Variants in MGMT observed in about 807,000 individuals in gnomAD.
MGMT encodes methylated-DNA--protein-cysteine methyltransferase.
MGMT carries 14 observed loss-of-function variants against 15.9 expected under a neutral mutation model. The ratio of observed to expected loss-of-function variants is 0.88; its 90% CI spans 0.58 to 1.37. The LOEUF (loss-of-function observed/expected upper bound fraction) is 1.37. Among genes scored for constraint, MGMT ranks in the 40% most tolerant of loss-of-function variants. The pLI is 0.00. For synonymous variants in MGMT, 130 were observed against 118.2 expected (o/e 1.10, Z -0.65); for missense variants, 282 against 268.1 (o/e 1.05, Z -0.36).
At chr10:129,736,735 G>C (rs1422404391) in intron 3 of MGMT, among the ~76,000 whole-genome samples, 3 of 152,106 alleles carry the variant, frequency 2.0e-5, no homozygotes, top group South Asian at 4.2e-4. Context: ...TCCTTCAGGA[G>C]CTCTTTTAGG....
intron 2 of MGMT, among the ~76,000 whole-genome samples, chr10:129,687,237 T>C (rs201114361): frequency 1.3e-5 from 2 of 151,832 alleles, no homozygotes; most frequent in Non-Finnish European, 2.9e-5. Flanking sequence ...GATGAACTTT[T>C]ATTTCATTTT....
intron 3 of MGMT, among the ~76,000 whole-genome samples, chr10:129,752,873 A>G (rs1480486295): frequency 6.6e-6 from 1 of 152,168 alleles, no homozygotes; most frequent in East Asian, 1.9e-4. Context: ...ATAGTTTTCC[A>G]TATACTTACA....
chr10:129,614,069 A>T (rs908931022), intron 2 of MGMT, among the ~76,000 whole-genome samples: 1 of 152,056 alleles, frequency 6.6e-6, no homozygotes, highest in Non-Finnish European at 1.5e-5. Context: ...TCATCTTCCC[A>T]CAGGGAAACT....
intron 2 of MGMT, among the ~76,000 whole-genome samples, chr10:129,654,346 A>G (rs1385773662): frequency 3.3e-5 from 5 of 151,998 alleles, no homozygotes; most frequent in Admixed American, 6.6e-5. Context: ...GACCTGGAGG[A>G]CCTGCACGCG....
chr10:129,476,620 C>T (rs980625758), intron 1 of MGMT, among the ~76,000 whole-genome samples: 1 of 152,072 alleles, frequency 6.6e-6, no homozygotes, highest in Non-Finnish European at 1.5e-5. Context: ...GCTTAGCCGG[C>T]GTGACTCAGG....
intron 2 of MGMT, among the ~76,000 whole-genome samples, chr10:129,644,070 C>T (rs911780129): frequency 6.6e-6 from 1 of 152,190 alleles, no homozygotes; most frequent in Non-Finnish European, 1.5e-5. Flanking sequence ...CAGCCAGCCC[C>T]GGTCTAACCC....
At chr10:129,521,815 C>A (rs1845814093) in intron 1 of MGMT, among the ~76,000 whole-genome samples, 2 of 152,228 alleles carry the variant, frequency 1.3e-5, no homozygotes, top group African/African-American at 4.8e-5. Flanking sequence ...CAGCTGAGGC[C>A]TGTGCAGCCT....
Position 129,731,091 on chromosome 10 carries a change from C to T in MGMT, c.274+23048C>T, listed in dbSNP as rs150467789. 5.1e-3 allele frequency among the ~76,000 whole-genome samples: 780 copies of T among 152,242 alleles called. 6 individuals carry two copies. Among genetic ancestry groups the T allele is most frequent in the African/African-American group, 0.018 (746 of 41,544 alleles). On this transcript the variant is annotated intron_variant, in intron 3 of 4. Transcript: ENST00000651593. The stretch of plus-strand genomic sequence containing the variant: ...TTCAGCCAGGAGGAAGGTCCATTTC[C>T]GAGGGCTGGTAGCATAATCTGGCCT...
chr10:129,519,196 G>T (rs1357045096), intron 1 of MGMT, among the ~76,000 whole-genome samples: 1 of 152,196 alleles, frequency 6.6e-6, no homozygotes, highest in Non-Finnish European at 1.5e-5. Flanking sequence ...AATTGTTAGA[G>T]TATATGGTTT....
intron 2 of MGMT, among the ~76,000 whole-genome samples, chr10:129,586,772 G>T (rs1011082277): frequency 6.6e-6 from 1 of 152,230 alleles, no homozygotes; most frequent in South Asian, 2.1e-4. Flanking sequence ...ATGGGCAATG[G>T]GTGTTTAGCA....
At chr10:129,727,168 G>A (rs1848443493) in intron 3 of MGMT, among the ~76,000 whole-genome samples, 1 of 152,208 alleles carries the variant, frequency 6.6e-6, no homozygotes, top group African/African-American at 2.4e-5. Flanking sequence ...TTCCTTCTCG[G>A]ATGGAGTCAG....
At chr10:129,711,353 G>A (rs10764900) in intron 3 of MGMT, among the ~76,000 whole-genome samples, 56,749 of 152,118 alleles carry the variant, frequency 0.37, 10,883 homozygotes, top group East Asian at 0.54. Flanking sequence ...CCAAAGACAG[G>A]TTAGTAGCTA....
At chr10:129,668,462 C>T (rs1393163897) in intron 2 of MGMT, among the ~76,000 whole-genome samples, 1 of 152,244 alleles carries the variant, frequency 6.6e-6, no homozygotes, top group Non-Finnish European at 1.5e-5. Context: ...GGGTTTACAG[C>T]ATGAGACATG....
chr10:129,568,506 T>A (rs1846380749), intron 2 of MGMT, among the ~76,000 whole-genome samples: 1 of 152,174 alleles, frequency 6.6e-6, no homozygotes, highest in Admixed American at 6.5e-5. Flanking sequence ...TAATTGATCT[T>A]GGTCCAAACT....
At chr10:129,731,356 CTTTTTTT>C (rs547636043) in intron 3 of MGMT, among the ~76,000 whole-genome samples, 19 of 96,998 alleles carry the variant, frequency 2.0e-4, no homozygotes, top group Non-Finnish European at 1.1e-4. Context: ...AAACCTAAGA[CTTTTTTT>C]TTTTTTTTTT....
chr10:129,722,832 C>T (rs12219799), intron 3 of MGMT, among the ~76,000 whole-genome samples: 33,848 of 151,674 alleles, frequency 0.22, 4,567 homozygotes, highest in East Asian at 0.43. Flanking sequence ...ATAGCAAGAC[C>T]CTGTCTCTAC....
intron 2 of MGMT, among the ~76,000 whole-genome samples, chr10:129,658,597 C>A (rs1403426105): frequency 6.6e-6 from 1 of 152,158 alleles, no homozygotes; most frequent in East Asian, 1.9e-4. Context: ...AGAATTGAAG[C>A]CCAGCCTGCT....
Position 129,566,477 on chromosome 10 carries a change from G to T in MGMT, c.125+30100G>T, listed in dbSNP as rs1370476613. Among the ~76,000 whole-genome samples, 3 of 152,150 alleles carry T rather than the reference G, an allele frequency of 2.0e-5. No homozygotes were observed. Among genetic ancestry groups the T allele is most frequent in the Admixed American group, 2.0e-4 (3 of 15,288 alleles). On this transcript the variant is annotated intron_variant, in intron 2 of 4. Transcript: ENST00000651593. This position sits in a 1 kb window ranked among gnomAD's most constrained non-coding sequence, Gnocchi z 4.1. Reference sequence around the variant, plus strand: ...TTCCAGGCCTCTGTCCCACCAGGATGATGCCTATCCAGAGCTCATTGTCCT... The same window carrying T: ...TTCCAGGCCTCTGTCCCACCAGGATTATGCCTATCCAGAGCTCATTGTCCT...
At chr10:129,474,844 C>T (rs150454356) in intron 1 of MGMT, among the ~76,000 whole-genome samples, 5,677 of 152,252 alleles carry the variant, frequency 0.037, 154 homozygotes, top group South Asian at 0.063. Context: ...CAGAGATTGA[C>T]GAGGGTGGCT....
Sources: gnomAD v4.1 joint callset for allele counts (sites outside exome capture counted in the v4.1 genomes callset) on GRCh38, gnomAD v4.1.1 for gene constraint, Gnocchi (gnomAD v3.1) non-coding constraint, MANE v1.5 for transcripts, NCBI Gene and HGNC (gene_info 2026-07-23, HGNC 2026-07-21) for gene names.